CEP152: variants seen among roughly 807,000 people sequenced by gnomAD.
CEP152 encodes centrosomal protein 152, also known as centrosomal protein of 152 kDa.
A neutral mutation model predicts 188.9 loss-of-function variants in CEP152; 132 were observed. That is an observed-to-expected ratio of 0.70 (90% CI 0.61 to 0.81). CEP152 has a LOEUF of 0.81. Among genes scored for constraint, CEP152 ranks in the 30% least tolerant of loss-of-function variants. The pLI is 0.00. For synonymous variants in CEP152, 649 were observed against 666.6 expected, an observed-to-expected ratio of 0.97 and a Z score of 0.41; for missense variants, 1,914 against 1,969.8, an observed-to-expected ratio of 0.97 and a Z score of 0.54.
intron 9 of CEP152, among the ~76,000 whole-genome samples, chr15:48,786,165 G>C (rs1345533315): frequency 6.6e-6 from 1 of 152,128 alleles, no homozygotes; most frequent in African/African-American, 2.4e-5. Flanking sequence ...AGTTTTCAAG[G>C]AGACAGAAGG....
At chr15:48,752,948 C>T (rs887136740) in intron 20 of CEP152, among the ~76,000 whole-genome samples, 7 of 152,126 alleles carry the variant, frequency 4.6e-5, no homozygotes, top group African/African-American at 1.7e-4. Context: ...ACTTCATATG[C>T]TTCTAAATAC....
rs77013566 is a variant in CEP152, at chr15:48,794,574, G to C, written c.692-1113C>G. ...ATCACTAATTTGGCACTACCATTAAGTTATTTAATTAACTTCCAAATGTCA... is the reference window on the plus strand; with the variant it reads ...ATCACTAATTTGGCACTACCATTAACTTATTTAATTAACTTCCAAATGTCA... On this transcript the variant is annotated intron_variant, in intron 6 of 26. Coordinates refer to ENST00000380950, the MANE Select transcript of CEP152 (RefSeq NM_001194998.2). Among the ~76,000 whole-genome samples the C allele has an allele frequency of 3.4e-3, 522 of 152,280 alleles. 3 individuals are homozygous for C. Among genetic ancestry groups the C allele is most frequent in the African/African-American group, 0.012 (494 of 41,550 alleles).
chr15:48,803,498 T>A (rs1255837451), intron 2 of CEP152, among the ~76,000 whole-genome samples: 1 of 152,212 alleles, frequency 6.6e-6, no homozygotes, highest in Non-Finnish European at 1.5e-5. Flanking sequence ...CAATTATTTT[T>A]TAAAGTAAAA....
chr15:48,762,181 G>T (rs767801181), intron 18 of CEP152, among the ~76,000 whole-genome samples: 2 of 152,108 alleles, frequency 1.3e-5, no homozygotes, highest in South Asian at 4.1e-4. Context: ...TTTGTAAACC[G>T]AAAGAATATA....
Position 48,756,172 on chromosome 15 carries a change from C to A in CEP152, c.3076G>T (p.Glu1026Ter). The change falls in exon 20 of 27, where the codon GAA (glutamate) becomes TAA (stop). Residue 1026 changes from glutamate (E) to a stop codon, truncating the protein, a stop_gained. Coordinates refer to ENST00000380950, the MANE Select transcript of CEP152 (RefSeq NM_001194998.2). LOFTEE classifies it high-confidence loss of function. ...LQTCLDQSRR[E>*]WTMQEAKRIQ... Reference sequence around the variant, plus strand: ...CGCTTGGCTTCCTGCATAGTCCATTCTCTACGACTCTGGTCTAGACAAGTT... The same window carrying A: ...CGCTTGGCTTCCTGCATAGTCCATTATCTACGACTCTGGTCTAGACAAGTT... 1 of 1,614,066 alleles carries A rather than the reference C, an allele frequency of 6.2e-7. No individual in the cohort carries two copies. The highest frequency in any genetic ancestry group is 8.5e-7 in the Non-Finnish European group (1 of 1,179,978).
intron 23 of CEP152, among the ~76,000 whole-genome samples, chr15:48,744,638 T>C (rs1419241314): frequency 6.6e-6 from 1 of 152,082 alleles, no homozygotes; most frequent in African/African-American, 2.4e-5. Context: ...GTAATATTAA[T>C]AAAAAGTTAT....
At position 48,788,991 on chromosome 15, in the gene CEP152, T is replaced by C. The variant is rs1195028838; in HGVS notation, c.983A>G (p.Lys328Arg). The C allele has an allele frequency of 6.2e-7, 1 of 1,613,978 alleles. No homozygotes were observed. Residue 328 changes from lysine to arginine, a missense_variant, in exon 9 of 27, where the codon AAG becomes AGG. Coordinates refer to ENST00000380950, the MANE Select transcript of CEP152 (RefSeq NM_001194998.2). ...CAGAGCCATTTCAGTTGTTCTGGAC[T>C]TCTTGATCATCTAGTAAATACACAC... ...LKVNEEQMIK[K>R]SRTTEMALES...
intron 17 of CEP152, among the ~76,000 whole-genome samples, chr15:48,763,290 T>C (rs1371545371): frequency 1.3e-5 from 2 of 152,212 alleles, no homozygotes; most frequent in African/African-American, 2.4e-5. Flanking sequence ...GTTTTCCCTT[T>C]TTCTGTTCAC....
At chr15:48,761,305 T>C (rs1232554257) in intron 18 of CEP152, among the ~76,000 whole-genome samples, 1 of 152,174 alleles carries the variant, frequency 6.6e-6, no homozygotes, top group Non-Finnish European at 1.5e-5. Context: ...CGTAGAACAA[T>C]GTAACAAATA....
intron 2 of CEP152, among the ~76,000 whole-genome samples, chr15:48,802,197 G>A (rs8035205): frequency 0.86 from 130,342 of 152,212 alleles, 56,132 homozygotes; most frequent in East Asian, 1. Context: ...TACATTATGA[G>A]TGAGTTAATA....
At chr15:48,805,483 G>A (rs1304869772) in intron 2 of CEP152, 80 bp downstream of exon 2, 30 of 1,498,242 alleles carry the variant, frequency 2.0e-5, no homozygotes, top group Non-Finnish European at 2.6e-5. Flanking sequence ...GACACAAGAT[G>A]ATACAATTTT....
intron 2 of CEP152, among the ~76,000 whole-genome samples, chr15:48,801,160 G>A (rs376375170): frequency 2.0e-5 from 3 of 152,292 alleles, no homozygotes; most frequent in Non-Finnish European, 1.5e-5. Context: ...CTCTTAGTAC[G>A]CTTCTAAAAA....
At chr15:48,775,796 T>C (rs940265556) in intron 12 of CEP152, among the ~76,000 whole-genome samples, 1 of 152,028 alleles carries the variant, frequency 6.6e-6, no homozygotes, top group African/African-American at 2.4e-5. Context: ...TGGGGGGATG[T>C]TGAAATGCTG....
chr15:48,735,608 G>A (rs534569371), downstream of CEP152, among the ~76,000 whole-genome samples: 7 of 152,274 alleles, frequency 4.6e-5, no homozygotes, highest in South Asian at 2.1e-4. Context: ...GGCGGCACAC[G>A]CCTGTAGTCC....
chr15:48,798,764 T>G (rs1897489676), intron 2 of CEP152, among the ~76,000 whole-genome samples: 1 of 152,248 alleles, frequency 6.6e-6, no homozygotes, highest in South Asian at 2.1e-4. Context: ...GTTTTAGCAT[T>G]CTGCTTATTA....
rs1012023245 is a variant in CEP152 at position 48,787,474 on chromosome 15, A to G, written c.1173+1327T>C. On this transcript the variant is annotated intron_variant, in intron 9 of 26. Transcript: ENST00000380950. ...GCATGAGCCACCGTAACTGGCCTTC[A>G]TCTTTCCCTACTCCTATATATCCTC... Among the ~76,000 whole-genome samples the G allele has an allele frequency of 4.6e-5, 7 of 152,042 alleles. No homozygotes were observed. In the South Asian group the frequency reaches 1.2e-3, roughly 27 times the overall value.
chr15:48,746,471 C>G (rs1893436072), intron 22 of CEP152, among the ~76,000 whole-genome samples: 1 of 152,140 alleles, frequency 6.6e-6, no homozygotes, highest in South Asian at 2.1e-4. Context: ...CTCATTTACT[C>G]TCCTGGCCTC....
chr15:48,750,447 T>C (rs1185934907), intron 21 of CEP152, among the ~76,000 whole-genome samples: 1 of 152,198 alleles, frequency 6.6e-6, no homozygotes, highest in Non-Finnish European at 1.5e-5. Flanking sequence ...AAAATTATTC[T>C]TAGCTCTCTC....
At chr15:48,758,601 C>G (rs1894443726) in intron 19 of CEP152, among the ~76,000 whole-genome samples, 1 of 150,914 alleles carries the variant, frequency 6.6e-6, no homozygotes, top group Non-Finnish European at 1.5e-5. Flanking sequence ...CACCTATAAT[C>G]CCAGCTACTT....
Sources: allele counts gnomAD v4.1 joint callset (sites outside exome capture counted in the v4.1 genomes callset), GRCh38; gene constraint gnomAD v4.1.1; transcripts MANE v1.5; gene names NCBI Gene and HGNC (gene_info 2026-07-23, HGNC 2026-07-21).